ELP3: variants seen among roughly 807,000 people sequenced by gnomAD.
ELP3 encodes the protein elongator acetyltransferase complex subunit 3, also known as elongator complex protein 3.
Under a neutral mutation model 74.9 loss-of-function variants are expected in ELP3, and 56 were observed. That is an observed-to-expected ratio of 0.75 (90% CI 0.60 to 0.93). ELP3 has a LOEUF of 0.93. Ranked by LOEUF, ELP3 falls within the 40% of genes least tolerant of loss-of-function variation. The probability of loss-of-function intolerance (pLI) is 0.00; values close to 1 mark genes in which losing one functional copy is unlikely to be tolerated. For missense variants in ELP3, 573 were observed against 686.5 expected, an observed-to-expected ratio of 0.83 and a Z score of 1.85; for synonymous variants, 222 against 239.8, an observed-to-expected ratio of 0.93 and a Z score of 0.68.
rs771002069 is a variant in ELP3 at position 28,106,714 on chromosome 8, T to C, written c.260T>C (p.Ile87Thr). Residue 87 changes from isoleucine to threonine, a missense_variant and splice_region_variant, in exon 4 of 15, where the codon ATT becomes ACT. Transcript: ENST00000256398. ...TTTTTATTCATCTTTCTTTTATAGATTGCTGTCGTGGCTGTGATGTGCAAA... is the reference window on the plus strand; with the variant it reads ...TTTTTATTCATCTTTCTTTTATAGACTGCTGTCGTGGCTGTGATGTGCAAA... ...KAKPIRTASGIAVVAVMCKPH... is the reference protein window; with the variant it reads ...KAKPIRTASGTAVVAVMCKPH... The C allele has an allele frequency of 1.1e-5, 17 of 1,612,284 alleles. No individual in the cohort carries two copies. The African/African-American group carries it at 1.6e-4, about 15-fold the overall frequency.
At chr8:28,092,437 C>G (rs1811078513), upstream of ELP3, among the ~76,000 whole-genome samples, 1 of 152,128 alleles carries the variant, frequency 6.6e-6, no homozygotes, top group Non-Finnish European at 1.5e-5. Context: ...CCATGTTGAC[C>G]AGGGTGGTCT....
Position 28,096,039 on chromosome 8 carries a change from C to T in ELP3, c.20-1180C>T, listed in dbSNP as rs117824210. Among the ~76,000 whole-genome samples the T allele has an allele frequency of 4.1e-4, 62 of 152,308 alleles. 2 individuals carry two copies. The East Asian group carries it at 0.01, about 25-fold the overall frequency. On this transcript the variant is annotated intron_variant, in intron 1 of 14. Coordinates refer to ENST00000256398, the MANE Select transcript of ELP3 (RefSeq NM_018091.6). ...CATGTTACTGCCTAAGCTCTGCCTCCTGTCACATCAGCAGTGGCATTAGAT... is the reference window on the plus strand; with the variant it reads ...CATGTTACTGCCTAAGCTCTGCCTCTTGTCACATCAGCAGTGGCATTAGAT...
chr8:28,144,718 A>G (rs1205312532), intron 10 of ELP3, among the ~76,000 whole-genome samples: 4 of 152,248 alleles, frequency 2.6e-5, no homozygotes, highest in Non-Finnish European at 4.4e-5. Flanking sequence ...TTCAGACATT[A>G]TCTAAAATGT....
intron 2 of ELP3, among the ~76,000 whole-genome samples, chr8:28,098,009 T>C (rs1811323343): frequency 6.6e-6 from 1 of 152,146 alleles, no homozygotes; most frequent in East Asian, 1.9e-4. Flanking sequence ...CACATCCTAC[T>C]TTCCTTCCCT....
intron 3 of ELP3, among the ~76,000 whole-genome samples, chr8:28,105,366 G>A (rs1210456769): frequency 6.6e-6 from 1 of 152,122 alleles, no homozygotes; most frequent in Non-Finnish European, 1.5e-5. Context: ...CTCCAGCCTG[G>A]GCAACACAGT....
Position 28,177,711 on chromosome 8 carries a change from CAAGT to C in ELP3, c.1568-11934_1568-11931del, listed in dbSNP as rs201153316. On this transcript the variant is annotated intron_variant, in intron 14 of 14. Transcript: ENST00000256398. ...CAGTGAAGGGTGGCCTATGTCCTAA[CAAGT>C]AAGCATCAAAGAACAAGAATGCACC... is the stretch of plus-strand genomic sequence containing the variant. 4.2e-4 allele frequency among the ~76,000 whole-genome samples: 64 copies of C among 152,292 alleles called. 2 individuals carry two copies. In the East Asian group the frequency reaches 0.01, roughly 24 times the overall value.
upstream of ELP3, among the ~76,000 whole-genome samples, chr8:28,090,784 C>A (rs923646407): frequency 1.3e-5 from 2 of 152,044 alleles, no homozygotes; most frequent in South Asian, 4.2e-4. Flanking sequence ...TATCTATAGA[C>A]CTGAAATGAA....
intron 14 of ELP3, among the ~76,000 whole-genome samples, chr8:28,180,968 GA>G (rs1350831782): frequency 6.6e-6 from 1 of 152,088 alleles, no homozygotes; most frequent in Non-Finnish European, 1.5e-5. Context: ...GGCACTGGGG[GA>G]GTGTTATGAC....
chr8:28,168,022 G>T (rs1814376310), intron 14 of ELP3, among the ~76,000 whole-genome samples: 1 of 152,154 alleles, frequency 6.6e-6, no homozygotes, highest in South Asian at 2.1e-4. Flanking sequence ...GGTGTCTGTT[G>T]TAGCTGCACT....
At chr8:28,166,110 C>A (rs545317233) in intron 14 of ELP3, among the ~76,000 whole-genome samples, 5 of 151,898 alleles carry the variant, frequency 3.3e-5, no homozygotes, top group Admixed American at 1.3e-4. Context: ...TCAAAGTCAC[C>A]GTGTATTGAG....
At chr8:28,166,305 A>T (rs924331142) in intron 14 of ELP3, among the ~76,000 whole-genome samples, 5 of 152,232 alleles carry the variant, frequency 3.3e-5, no homozygotes, top group African/African-American at 1.2e-4. Flanking sequence ...ATAACTCAAG[A>T]TTAATTACTT....
intron 7 of ELP3, among the ~76,000 whole-genome samples, chr8:28,117,178 T>C (rs1812172749): frequency 1.3e-5 from 2 of 152,190 alleles, no homozygotes; most frequent in South Asian, 4.1e-4. Context: ...ACTAAGCTTT[T>C]CATCTCCTAC....
In ELP3 at chr8:28,138,520, C is replaced by G. The variant is rs532418075; in HGVS notation, c.1100+629C>G. Among the ~76,000 whole-genome samples, 7 of 152,212 alleles carry G rather than the reference C, an allele frequency of 4.6e-5. No homozygotes were observed. The East Asian group carries it at 1.4e-3, about 29-fold the overall frequency. On this transcript the variant is annotated intron_variant, in intron 10 of 14. Transcript: ENST00000256398. ...AGAAGCCATAAAGTTACCCGTATACCTACAATCCTAACAAAGCCAATTCCC... is the reference window on the plus strand; with the variant it reads ...AGAAGCCATAAAGTTACCCGTATACGTACAATCCTAACAAAGCCAATTCCC...
At chr8:28,093,892 A>G (rs2130331176) in intron 1 of ELP3, among the ~76,000 whole-genome samples, 2 of 152,334 alleles carry the variant, frequency 1.3e-5, no homozygotes, top group Middle Eastern at 3.4e-3. Flanking sequence ...AGTCGGTATC[A>G]TTTCCATTTT....
At chr8:28,112,841 CT>C in intron 6 of ELP3, 177 bp from the exon 7 acceptor site, 3 of 440,234 alleles carry the variant, frequency 6.8e-6, no homozygotes, top group Middle Eastern at 5.9e-4. Context: ...GTTGTACTCA[CT>C]TTTTTCTTTC....
In ELP3 at chr8:28,138,787, A is replaced by G. The variant is rs560739606; in HGVS notation, c.1100+896A>G. ...TGCTTGAAGGTCAAAGGACATTTAC[A>G]TGATACTTCTGCTGCATACTGATTT... On this transcript the variant is annotated intron_variant, in intron 10 of 14. Coordinates refer to ENST00000256398, the MANE Select transcript of ELP3 (RefSeq NM_018091.6). Among the ~76,000 whole-genome samples, 77 of 152,388 alleles carry G rather than the reference A, an allele frequency of 5.1e-4. 1 individual carries two copies. The South Asian group carries it at 0.015, about 30-fold the overall frequency.
At chr8:28,165,471 C>T (rs1814271130) in intron 14 of ELP3, among the ~76,000 whole-genome samples, 1 of 152,146 alleles carries the variant, frequency 6.6e-6, no homozygotes, top group South Asian at 2.1e-4. Context: ...TTCTTCCGAC[C>T]TTGTCCTCAG....
intron 7 of ELP3, among the ~76,000 whole-genome samples, chr8:28,115,444 G>A (rs1812090791): frequency 6.6e-6 from 1 of 152,164 alleles, no homozygotes; most frequent in Non-Finnish European, 1.5e-5. Flanking sequence ...AGAAAAGGTG[G>A]CAGAATAATG....
intron 14 of ELP3, among the ~76,000 whole-genome samples, chr8:28,185,802 G>C (rs1265748864): frequency 6.6e-6 from 1 of 152,146 alleles, no homozygotes; most frequent in East Asian, 1.9e-4. Flanking sequence ...TGAAGGGTCT[G>C]GGCAGGAAAG....
Sources: gnomAD v4.1 joint callset for allele counts (sites outside exome capture counted in the v4.1 genomes callset) on GRCh38, gnomAD v4.1.1 for gene constraint, MANE v1.5 for transcripts, NCBI Gene and HGNC (gene_info 2026-07-23, HGNC 2026-07-21) for gene names.